The following RAB19 variants were observed in gnomAD, a reference collection of about 807,000 sequenced individuals.
The protein encoded by RAB19 is ras-related protein Rab-19.
Under a neutral mutation model 17.3 loss-of-function variants are expected in RAB19, and 21 were observed. The ratio of observed to expected loss-of-function variants is 1.21; its 90% confidence interval spans 0.86 to 1.74. The LOEUF (loss-of-function observed/expected upper bound fraction) is 1.74. Among genes scored for constraint, RAB19 ranks in the 40% most tolerant of loss-of-function variants. The pLI, the probability that RAB19 is intolerant of heterozygous loss-of-function variation, is 0.00. For missense variants in RAB19, 277 were observed against 286.8 expected (o/e 0.97, Z 0.25); for synonymous variants, 126 against 110.4 (o/e 1.14, Z -0.88).
rs974688905 is a variant in RAB19, at chr7:140,407,717, G to C, written c.71G>C (p.Gly24Ala). The C allele has an allele frequency of 1.2e-6, 2 of 1,613,954 alleles. No homozygotes were observed. The highest frequency in any genetic ancestry group is 8.5e-7 in the Non-Finnish European group (1 of 1,180,018). ...FDYLFKIILI[G>A]DSNVGKTCVV... ...TATTTGTTCAAGATTATCCTCATTG[G>C]GGATTCCAATGTGGGGAAGACGTGT... The change falls in exon 2 of 4, where the codon GGG (glycine) becomes GCG (alanine). Residue 24 changes from glycine to alanine, a missense_variant. Transcript: ENST00000537763.
In RAB19 at chr7:140,412,540, T is replaced by A. The variant is rs899044740; in HGVS notation, c.385+483T>A. On this transcript the variant is annotated intron_variant, in intron 3 of 3. Coordinates refer to ENST00000537763, the MANE Select transcript of RAB19 (RefSeq NM_001008749.3). ...CATGCCCAGCCCATTTTTTTTTTTT[T>A]AATTTTTTGTAAAGACGGGGTTTTG... Among the ~76,000 whole-genome samples, 13 of 151,478 alleles carry A rather than the reference T, an allele frequency of 8.6e-5. No individual in the cohort carries two copies. The South Asian group carries it at 1.3e-3, about 15-fold the overall frequency.
At chr7:140,424,649 GTA>G (rs1229887166) in intron 3 of RAB19, among the ~76,000 whole-genome samples, 13 of 125,230 alleles carry the variant, frequency 1.0e-4, no homozygotes, top group African/African-American at 4.3e-4. Context: ...ATGTGTGTGT[GTA>G]TATATGTGTG....
chr7:140,409,244 G>T (rs781402179), intron 2 of RAB19, among the ~76,000 whole-genome samples: 11 of 151,640 alleles, frequency 7.3e-5, no homozygotes, highest in Admixed American at 5.9e-4. Context: ...CGTGCCTGTA[G>T]TCCCAGTTAC....
At chr7:140,422,248 G>T (rs975962798) in intron 3 of RAB19, among the ~76,000 whole-genome samples, 1 of 152,094 alleles carries the variant, frequency 6.6e-6, no homozygotes, top group Non-Finnish European at 1.5e-5. Context: ...AATTAGCTGG[G>T]CGTCGTGGTG....
chr7:140,421,632 C>T (rs1405505618), intron 3 of RAB19, among the ~76,000 whole-genome samples: 1 of 152,168 alleles, frequency 6.6e-6, no homozygotes, highest in African/African-American at 2.4e-5. Flanking sequence ...GCTGAGATTA[C>T]AGGTGTGAGC....
chr7:140,407,655 C>T lies in RAB19; in HGVS notation c.9C>T (p.Phe3=), dbSNP rs1419543192. 1 of 1,614,118 alleles carries T rather than the reference C, an allele frequency of 6.2e-7. No homozygotes were observed. The highest frequency in any genetic ancestry group is 8.5e-7 in the Non-Finnish European group (1 of 1,180,014). The change falls in exon 2 of 4, where the codon TTC becomes TTT. Residue 3 remains phenylalanine, a synonymous_variant. Coordinates refer to ENST00000537763, the MANE Select transcript of RAB19 (RefSeq NM_001008749.3). ...TCTAGGTGGCAAGAACCATGCACTTCTCCAGCTCAGCCAGGGCAGCAGATG... is the reference window on the plus strand; with the variant it reads ...TCTAGGTGGCAAGAACCATGCACTTTTCCAGCTCAGCCAGGGCAGCAGATG... MH[F]SSSARAADEN... is the part of the protein sequence containing the mutation.
rs898261798 is a variant in RAB19, at chr7:140,425,918, T to C, written c.422T>C (p.Leu141Pro). 8 of 1,613,968 alleles carry C rather than the reference T, an allele frequency of 5.0e-6. No homozygotes were observed. In the African/African-American group the frequency reaches 8.0e-5, roughly 16 times the overall value. Residue 141 changes from leucine to proline, a missense_variant, in exon 4 of 4, where the codon CTG (leucine) becomes CCG (proline). Coordinates refer to ENST00000537763, the MANE Select transcript of RAB19 (RefSeq NM_001008749.3). ...KCDLWEKRHV[L>P]FEDACTLAEK... ...GACCTCTGGGAAAAGCGGCACGTCC[T>C]GTTCGAGGATGCCTGCACACTGGCT... is the stretch of plus-strand genomic sequence containing the variant.
intron 3 of RAB19, among the ~76,000 whole-genome samples, chr7:140,424,586 CCTCTCTCTCTCT>C (rs376517516): frequency 2.3e-3 from 299 of 127,626 alleles, no homozygotes; most frequent in East Asian, 7.5e-3. Flanking sequence ...TGGACCTCTC[CCTCTCTCTCTCT>C]CTCTCTCTCT....
chr7:140,408,034 C>T (rs1382627913), intron 2 of RAB19, among the ~76,000 whole-genome samples, 187 bp downstream of exon 2: 19 of 139,074 alleles, frequency 1.4e-4, no homozygotes, highest in African/African-American at 4.3e-4. Flanking sequence ...CCCGCCACCA[C>T]GCCCGGCAAA....
intron 3 of RAB19, among the ~76,000 whole-genome samples, chr7:140,419,269 A>G (rs950302405): frequency 1.3e-5 from 2 of 151,824 alleles, no homozygotes; most frequent in Admixed American, 6.6e-5. Flanking sequence ...GCGTTTTACT[A>G]TGTTGGCCAG....
chr7:140,409,818 C>A (rs1401269674), intron 2 of RAB19, among the ~76,000 whole-genome samples: 1 of 151,620 alleles, frequency 6.6e-6, no homozygotes, highest in South Asian at 2.1e-4. Context: ...ACGGTGAAAC[C>A]CCGTCTCTAC....
At chr7:140,416,300 C>A (rs1313492808) in intron 3 of RAB19, among the ~76,000 whole-genome samples, 1 of 152,072 alleles carries the variant, frequency 6.6e-6, no homozygotes, top group East Asian at 1.9e-4. Flanking sequence ...TGCACTCCAG[C>A]CTGAGCAACA....
intron 2 of RAB19, among the ~76,000 whole-genome samples, chr7:140,409,861 C>T (rs1463159171): frequency 1.3e-5 from 2 of 151,188 alleles, no homozygotes; most frequent in African/African-American, 2.4e-5. Context: ...GGCCTGGTGG[C>T]GGGTGCCTGT....
chr7:140,419,826 T>C (rs1799525858), intron 3 of RAB19, among the ~76,000 whole-genome samples: 1 of 152,196 alleles, frequency 6.6e-6, no homozygotes, highest in South Asian at 2.1e-4. Flanking sequence ...CTTCCATGCA[T>C]CCTGAGAAGT....
intron 2 of RAB19, among the ~76,000 whole-genome samples, chr7:140,409,500 G>T (rs1205158162): frequency 6.6e-6 from 1 of 151,966 alleles, no homozygotes; most frequent in Non-Finnish European, 1.5e-5. Flanking sequence ...TTCAAGACCA[G>T]CCTGGCCAAC....
chr7:140,411,631 T>C (rs1799363606), intron 2 of RAB19, among the ~76,000 whole-genome samples: 1 of 152,142 alleles, frequency 6.6e-6, no homozygotes, highest in Admixed American at 6.5e-5. Context: ...GGGCCAAATG[T>C]GTCCCGTGGG....
intron 1 of RAB19, 66 bp from the exon 2 acceptor site, chr7:140,407,558 C>T (rs1344996242): frequency 1.1e-5 from 13 of 1,169,352 alleles, no homozygotes; most frequent in African/African-American, 3.0e-5. Flanking sequence ...AGGTAATGAC[C>T]TCCCTTCGTC....
intron 2 of RAB19, among the ~76,000 whole-genome samples, chr7:140,411,399 C>A (rs914465587): frequency 6.6e-6 from 1 of 151,416 alleles, no homozygotes; most frequent in Non-Finnish European, 1.5e-5. Flanking sequence ...GACTCCATCT[C>A]AAAAAAAATA....
intron 2 of RAB19, chr7:140,410,936 C>T: frequency 7.3e-7 from 1 of 1,367,788 alleles, no homozygotes; most frequent in Non-Finnish European, 9.8e-7. Flanking sequence ...TGAGAACATT[C>T]CAAACATGAA....
Sources: allele counts gnomAD v4.1 joint callset (sites outside exome capture counted in the v4.1 genomes callset), GRCh38; gene constraint gnomAD v4.1.1; transcripts MANE v1.5; gene names NCBI Gene and HGNC (gene_info 2026-07-23, HGNC 2026-07-21).